Variants in HERC1 observed in about 807,000 individuals in gnomAD.
HERC1 encodes probable E3 ubiquitin-protein ligase HERC1.
In HERC1, 160 loss-of-function variants were observed where a neutral mutation model predicts 554.3. The ratio of observed to expected loss-of-function variants is 0.29; its 90% CI spans 0.25 to 0.33. HERC1 has a LOEUF of 0.33. Ranked by LOEUF, HERC1 falls within the 10% of genes least tolerant of loss-of-function variation. The probability of loss-of-function intolerance (pLI) is 1.00; values close to 1 mark genes in which losing one functional copy is unlikely to be tolerated. For synonymous variants in HERC1, 2,175 were observed against 2,131.7 expected (o/e 1.02, Z -0.56); for missense variants, 4,919 against 5,918.5 (o/e 0.83, Z 5.54).
chr15:63,633,572 T>A (rs2068657769), intron 67 of HERC1, among the ~76,000 whole-genome samples: 1 of 152,234 alleles, frequency 6.6e-6, no homozygotes. Context: ...TTCTAACTAT[T>A]TCTTCCCTAC....
chr15:63,653,244 C>T (rs536272390), intron 51 of HERC1, among the ~76,000 whole-genome samples: 9 of 152,008 alleles, frequency 5.9e-5, no homozygotes, highest in Non-Finnish European at 1.2e-4. Context: ...AGTTTGAGAC[C>T]AGCCTGGCCA....
Position 63,692,304 on chromosome 15 carries a change from C to A in HERC1, c.5830+107G>T, listed in dbSNP as rs1396558524. On this transcript the variant is annotated intron_variant, in intron 31 of 77. Coordinates refer to ENST00000443617, the MANE Select transcript of HERC1 (RefSeq NM_003922.4). The surrounding 1 kb of genome is among the most constrained non-coding windows in gnomAD (Gnocchi z 4.7). ...GTACGCAGAAAATAAGAAAGAAAAG[C>A]CTTCAAATCAAGGTTACACATGGAG... The A allele has an allele frequency of 8.8e-6, 7 of 793,656 alleles. No homozygotes were observed. Among genetic ancestry groups the A allele is most frequent in the South Asian group, 6.1e-5 (2 of 32,794 alleles). The allele number at this position is 793,656 out of a possible 1,614,324, so 49.2% of individuals were successfully genotyped here.
chr15:63,649,092 C>A (rs1023929807), intron 54 of HERC1, among the ~76,000 whole-genome samples: 8 of 152,180 alleles, frequency 5.3e-5, no homozygotes, highest in African/African-American at 1.9e-4. Flanking sequence ...CGGTGGCTCA[C>A]GCCTGTAATC....
intron 52 of HERC1, among the ~76,000 whole-genome samples, chr15:63,651,805 G>A (rs1371723477): frequency 6.6e-6 from 1 of 152,140 alleles, no homozygotes; most frequent in Non-Finnish European, 1.5e-5. Context: ...TGGGAGGCTG[G>A]GGCAGGCAGA....
intron 44 of HERC1, among the ~76,000 whole-genome samples, chr15:63,662,590 T>C (rs78687715): frequency 2.3e-4 from 35 of 152,318 alleles, no homozygotes; most frequent in African/African-American, 7.7e-4. Flanking sequence ...AGGCATTACA[T>C]TGATTAAATG....
intron 12 of HERC1, among the ~76,000 whole-genome samples, chr15:63,743,239 CT>C (rs1046153649): frequency 2.4e-5 from 3 of 125,384 alleles, no homozygotes; most frequent in African/African-American, 8.8e-5. Context: ...TGTGTATTTT[CT>C]TTTTTTTTCT....
In HERC1 at chr15:63,664,491, G is replaced by A; in HGVS notation, c.8659C>T (p.Arg2887Cys). 2 of 1,613,374 alleles carry A rather than the reference G, an allele frequency of 1.2e-6. No individual in the cohort carries two copies. Residue 2887 changes from arginine to cysteine, a missense_variant, in exon 43 of 78, where the codon CGC (arginine) becomes TGC (cysteine). Arg to Cys is a radical substitution (Grantham distance 180, BLOSUM62 -3). Coordinates refer to ENST00000443617, the MANE Select transcript of HERC1 (RefSeq NM_003922.4). ...TRRHKFDLAA[R>C]TLLARAAGLY... ...TTACCTGCTCTTGCTAGCAGTGTGC[G>A]AGCAGCTAAGTCAAACTTGTGTCTT...
At chr15:63,616,325 C>G in intron 75 of HERC1, 105 bp downstream of exon 75, 1 of 1,237,882 alleles carries the variant, frequency 8.1e-7, no homozygotes, top group Non-Finnish European at 1.1e-6. Flanking sequence ...CATTGTTCAG[C>G]CAGACAGCAA....
intron 76 of HERC1, among the ~76,000 whole-genome samples, chr15:63,613,044 CGT>C (rs2067669287): frequency 6.6e-6 from 1 of 151,832 alleles, no homozygotes; most frequent in South Asian, 2.1e-4. Context: ...TTGTGCTCAT[CGT>C]AAAAAAAATC....
chr15:63,644,129 A>G (rs116923934), intron 57 of HERC1, among the ~76,000 whole-genome samples: 1 of 151,686 alleles, frequency 6.6e-6, no homozygotes, highest in African/African-American at 2.4e-5. Flanking sequence ...TGAGTTGGCT[A>G]CTCCTTCCCT....
chr15:63,829,561 G>GTGTGTGTGTATATA lies in HERC1; in HGVS notation c.-27+4265_-27+4266insTATATACACACACA, dbSNP rs1220043639. ...TATATGTATGTGTGTGTGTGTGTGT[G>GTGTGTGTGTATATA]TATATATATATATATATATATATAT... On this transcript the variant is annotated intron_variant, in intron 1 of 77. Transcript: ENST00000443617. Among the ~76,000 whole-genome samples the GTGTGTGTGTATATA allele has an allele frequency of 1.0e-3, 83 of 81,714 alleles. 1 individual carries two copies. The highest frequency in any genetic ancestry group is 2.7e-3 in the South Asian group (7 of 2,604). 53.6% of individuals were successfully genotyped at this position (81,714 alleles called of 152,430 possible). A position where few individuals can be genotyped will look rare whatever the true frequency, so the allele number is the denominator to read the frequency against.
At chr15:63,790,118 T>C (rs981053109) in intron 1 of HERC1, among the ~76,000 whole-genome samples, 3 of 152,180 alleles carry the variant, frequency 2.0e-5, no homozygotes, top group Non-Finnish European at 4.4e-5. Context: ...AAAGAACCTC[T>C]ATCATTGCCA....
chr15:63,746,818 C>A, intron 12 of HERC1, 100 bp downstream of exon 12: 5 of 1,016,166 alleles, frequency 4.9e-6, no homozygotes, highest in Admixed American at 2.6e-5. Flanking sequence ...AAACAACATC[C>A]AATTGAAATT....
intron 3 of HERC1, among the ~76,000 whole-genome samples, chr15:63,763,112 G>A (rs2075663933): frequency 6.6e-6 from 1 of 152,164 alleles, no homozygotes; most frequent in Non-Finnish European, 1.5e-5. Flanking sequence ...TGGCCCCCTG[G>A]TGTCCCACCT....
intron 22 of HERC1, among the ~76,000 whole-genome samples, chr15:63,715,780 T>C (rs868557795): frequency 5.9e-5 from 9 of 152,332 alleles, no homozygotes; most frequent in Non-Finnish European, 5.9e-5. Flanking sequence ...CCTTGGAATA[T>C]AAAGGTATGA....
At chr15:63,683,609 T>C in intron 34 of HERC1, among the ~76,000 whole-genome samples, 1 of 152,222 alleles carries the variant, frequency 6.6e-6, no homozygotes, top group East Asian at 1.9e-4. Context: ...TTTTCAAGCC[T>C]GGACTTAAAA....
chr15:63,673,366 ACCTCTCT>A (rs1292512785), intron 38 of HERC1, among the ~76,000 whole-genome samples: 1 of 152,188 alleles, frequency 6.6e-6, no homozygotes, highest in Non-Finnish European at 1.5e-5. Flanking sequence ...TACACCATGT[ACCTCTCT>A]CTCTCTCTAT....
chr15:63,798,364 A>C (rs942035930), intron 1 of HERC1, among the ~76,000 whole-genome samples: 1 of 152,108 alleles, frequency 6.6e-6, no homozygotes, highest in African/African-American at 2.4e-5. Flanking sequence ...GCCTCTTTAC[A>C]ATCAGGAATT....
chr15:63,619,453 TTC>T (rs1595829217), intron 74 of HERC1, among the ~76,000 whole-genome samples: 2 of 151,960 alleles, frequency 1.3e-5, no homozygotes, highest in South Asian at 2.1e-4. Context: ...TGGTCTAAAA[TTC>T]TCTTTTTTTG....
Sources: gnomAD v4.1 joint callset for allele counts (sites outside exome capture counted in the v4.1 genomes callset) on GRCh38, gnomAD v4.1.1 for gene constraint, Gnocchi (gnomAD v3.1) non-coding constraint, MANE v1.5 for transcripts, NCBI Gene and HGNC (gene_info 2026-07-23, HGNC 2026-07-21) for gene names.